The following EPHA6 variants were observed in gnomAD, a reference collection of about 807,000 sequenced individuals.
EPHA6 encodes the protein EPH receptor A6, also known as ephrin type-A receptor 6.
A neutral mutation model predicts 112.0 loss-of-function variants in EPHA6; 50 were observed. The ratio of observed to expected loss-of-function variants is 0.45; its 90% CI spans 0.36 to 0.56. The LOEUF is 0.56. EPHA6 is among the 20% of genes least tolerant of loss of function. The probability of loss-of-function intolerance (pLI) is 0.00; values close to 1 mark genes in which losing one functional copy is unlikely to be tolerated. For missense variants in EPHA6, 1,280 were observed against 1,417.4 expected, an observed-to-expected ratio of 0.90 and a Z score of 1.56; for synonymous variants, 529 against 490.7, an observed-to-expected ratio of 1.08 and a Z score of -1.03.
intron 5 of EPHA6, among the ~76,000 whole-genome samples, chr3:97,278,795 G>T (rs185654291): frequency 2.0e-5 from 3 of 152,250 alleles, no homozygotes; most frequent in African/African-American, 4.8e-5. Flanking sequence ...TGATTTAGGG[G>T]TATTGGCCTG....
intron 6 of EPHA6, among the ~76,000 whole-genome samples, chr3:97,413,983 A>G (rs566890050): frequency 1.3e-5 from 2 of 152,142 alleles, no homozygotes; most frequent in East Asian, 3.9e-4. Context: ...TGCAATTAAA[A>G]ATGCTACCAT....
intron 4 of EPHA6, among the ~76,000 whole-genome samples, chr3:97,231,343 G>A (rs542895125): frequency 6.6e-6 from 1 of 152,236 alleles, no homozygotes; most frequent in East Asian, 1.9e-4. Flanking sequence ...GCTTCATGCT[G>A]AATTCACTGT....
chr3:96,814,807 G>A lies in EPHA6; in HGVS notation c.184G>A (p.Glu62Lys), dbSNP rs745728969. 6.2e-7 allele frequency: 1 copy of A among 1,600,390 alleles called. No homozygotes were observed. Among genetic ancestry groups the A allele is most frequent in the Non-Finnish European group, 8.5e-7 (1 of 1,172,706 alleles). Residue 62 changes from glutamate (E) to lysine (K), a missense_variant, in exon 1 of 18, where the codon GAA becomes AAA. Glu to Lys is a moderately conservative substitution (Grantham distance 56). Around this residue, in one of 4 missense-constraint regions of EPHA6, gnomAD observed 220 missense variants for 171.5 expected, o/e 1.28. Transcript: ENST00000389672. ...GGTGGAGGAGGAAGAGGAGGAGGAGGAAGAAGACGTGGACAAGGACCCCCA... is the reference window on the plus strand; with the variant it reads ...GGTGGAGGAGGAAGAGGAGGAGGAGAAAGAAGACGTGGACAAGGACCCCCA... ...GRVEEEEEEE[E>K]EDVDKDPHPT...
chr3:96,918,672 T>C (rs981410770), intron 2 of EPHA6, among the ~76,000 whole-genome samples: 2 of 152,068 alleles, frequency 1.3e-5, no homozygotes, highest in African/African-American at 4.8e-5. Context: ...GGGAAAAATA[T>C]GTATTTCAAA....
intron 12 of EPHA6, among the ~76,000 whole-genome samples, chr3:97,595,556 A>G (rs1164509317): frequency 6.6e-6 from 1 of 152,054 alleles, no homozygotes; most frequent in African/African-American, 2.4e-5. Flanking sequence ...GAGGCAGAGG[A>G]ATTGCTTTAT....
At chr3:96,988,672 G>A (rs528616905) in intron 3 of EPHA6, among the ~76,000 whole-genome samples, 2 of 152,142 alleles carry the variant, frequency 1.3e-5, no homozygotes, top group African/African-American at 2.4e-5. Flanking sequence ...CCTGATCAGA[G>A]CTTAATTAAT....
Position 97,736,132 on chromosome 3 carries a change from T to C in EPHA6, c.3128+14T>C, listed in dbSNP as rs745877659. ...GGACATCCTTGTGTAAGAGGCATAA[T>C]GTTGAGTTTTTTTCTTCTTGACAAT... is the stretch of plus-strand genomic sequence containing the variant. On this transcript the variant is annotated intron_variant, in intron 16 of 17. Coordinates refer to ENST00000389672, the MANE Select transcript of EPHA6 (RefSeq NM_001080448.3). 1.3e-6 allele frequency: 2 copies of C among 1,592,678 alleles called. No homozygotes were observed. The highest frequency in any genetic ancestry group is 3.4e-5 in the Admixed American group (2 of 58,932).
At chr3:97,201,784 A>G (rs1248985707) in intron 3 of EPHA6, among the ~76,000 whole-genome samples, 3 of 152,104 alleles carry the variant, frequency 2.0e-5, no homozygotes, top group East Asian at 1.9e-4. Flanking sequence ...CTGGCTTCCA[A>G]CCTTAATTAA....
At chr3:96,916,400 T>C (rs1251887615) in intron 2 of EPHA6, among the ~76,000 whole-genome samples, 1 of 152,154 alleles carries the variant, frequency 6.6e-6, no homozygotes, top group Non-Finnish European at 1.5e-5. Flanking sequence ...TTTGTTAATA[T>C]AGTACTATTG....
rs1019323872 is a variant in EPHA6 at position 97,758,173 on chromosome 3, G to C, written c.*9472G>C. Among the ~76,000 whole-genome samples, 1 of 151,858 alleles carries C rather than the reference G, an allele frequency of 6.6e-6. No individual in the cohort carries two copies. The highest frequency in any genetic ancestry group is 2.4e-5 in the African/African-American group (1 of 41,400). ...AAGAGTGAAAAGCTACTCCATTTAC[G>C]TGTAATCTGCTTATTTTCTTCAGAG... On this transcript the variant is annotated 3_prime_UTR_variant, in exon 18 of 18. Coordinates refer to ENST00000389672, the MANE Select transcript of EPHA6 (RefSeq NM_001080448.3).
At chr3:97,720,220 C>T (rs1553677644) in intron 14 of EPHA6, 41 bp from the exon 15 acceptor site, 3 of 1,464,632 alleles carry the variant, frequency 2.0e-6, no homozygotes, top group Non-Finnish European at 2.7e-6. Context: ...GTTTTTAATA[C>T]AACGATAAGC....
rs78073316 is a variant in EPHA6, at chr3:96,992,209, C to T, written c.1114+4216C>T. Among the ~76,000 whole-genome samples, 213 of 152,296 alleles carry T rather than the reference C, an allele frequency of 1.4e-3. 4 individuals are homozygous for T. In the East Asian group the frequency reaches 0.036, roughly 25 times the overall value. On this transcript the variant is annotated intron_variant, in intron 3 of 17. Coordinates refer to ENST00000389672, the MANE Select transcript of EPHA6 (RefSeq NM_001080448.3). ...ACAGGCAGGATTATTGCCAATTGCT[C>T]AGTACATAACATGTGTTGACCTTTT...
At chr3:97,422,319 A>G (rs969102448) in intron 6 of EPHA6, among the ~76,000 whole-genome samples, 3 of 152,140 alleles carry the variant, frequency 2.0e-5, no homozygotes, top group South Asian at 2.1e-4. Flanking sequence ...TGAAAACCTT[A>G]TGTAAGATCT....
intron 3 of EPHA6, among the ~76,000 whole-genome samples, chr3:97,100,442 C>T (rs1430430774): frequency 6.6e-6 from 1 of 151,586 alleles, no homozygotes; most frequent in Non-Finnish European, 1.5e-5. Context: ...TAATTTGGGA[C>T]CCTATTATAT....
chr3:97,643,037 G>T (rs1373552845), intron 14 of EPHA6, among the ~76,000 whole-genome samples: 2 of 152,146 alleles, frequency 1.3e-5, no homozygotes, highest in Admixed American at 1.3e-4. Context: ...AGGGCAGCCA[G>T]AGAGAAAGGT....
intron 3 of EPHA6, among the ~76,000 whole-genome samples, chr3:97,015,635 A>G (rs2044238542): frequency 6.6e-6 from 1 of 152,206 alleles, no homozygotes; most frequent in African/African-American, 2.4e-5. Flanking sequence ...GTTCACAGTG[A>G]TAATCAAAAG....
At chr3:96,818,150 G>T (rs1407167180) in intron 1 of EPHA6, among the ~76,000 whole-genome samples, 1 of 151,896 alleles carries the variant, frequency 6.6e-6, no homozygotes, top group East Asian at 1.9e-4. Flanking sequence ...AAGGAATATA[G>T]CCTTTCATTT....
At chr3:97,154,120 A>C (rs2076233908) in intron 3 of EPHA6, among the ~76,000 whole-genome samples, 1 of 151,686 alleles carries the variant, frequency 6.6e-6, no homozygotes, top group Admixed American at 6.6e-5. Flanking sequence ...AGCCGAGATC[A>C]TGCCATTGCA....
intron 5 of EPHA6, among the ~76,000 whole-genome samples, chr3:97,361,448 G>A (rs1162280605): frequency 1.3e-5 from 2 of 152,130 alleles, no homozygotes; most frequent in East Asian, 3.9e-4. Flanking sequence ...AGTTCGGCTT[G>A]CGTCTTAGTC....
Sources: allele counts gnomAD v4.1 joint callset (sites outside exome capture counted in the v4.1 genomes callset), GRCh38; gene constraint gnomAD v4.1.1; regional missense constraint gnomAD v4.1.1; transcripts MANE v1.5; gene names NCBI Gene and HGNC (gene_info 2026-07-23, HGNC 2026-07-21).